NRXN3: variants seen among roughly 807,000 people sequenced by gnomAD.
NRXN3 encodes the protein neurexin 3.
A neutral mutation model predicts 137.6 loss-of-function variants in NRXN3; 32 were observed. That is an observed-to-expected ratio of 0.23 (90% confidence interval 0.18 to 0.31). The LOEUF (loss-of-function observed/expected upper bound fraction) is 0.31. Ranked by LOEUF, NRXN3 falls within the 10% of genes least tolerant of loss-of-function variation. NRXN3 has a pLI of 1.00. For missense variants in NRXN3, 1,574 were observed against 2,062.5 expected (o/e 0.76, Z 4.59); for synonymous variants, 798 against 784.5 (o/e 1.02, Z -0.29).
intron 16 of NRXN3, among the ~76,000 whole-genome samples, chr14:79,543,293 A>G (rs904837835): frequency 3.3e-5 from 5 of 152,216 alleles, no homozygotes; most frequent in African/African-American, 1.2e-4. Context: ...CTTTCATGAC[A>G]TATTCCAGCA....
intron 4 of NRXN3, among the ~76,000 whole-genome samples, chr14:78,452,634 A>G (rs921421021): frequency 6.6e-6 from 1 of 152,254 alleles, no homozygotes; most frequent in Non-Finnish European, 1.5e-5. Context: ...AGATGAGAAC[A>G]ATTGAAAAGG....
chr14:79,524,582 C>T (rs577224673), intron 16 of NRXN3, among the ~76,000 whole-genome samples: 1 of 151,948 alleles, frequency 6.6e-6, no homozygotes, highest in South Asian at 2.1e-4. Flanking sequence ...AAATGGATTC[C>T]ACTGCAAACA....
intron 4 of NRXN3, among the ~76,000 whole-genome samples, chr14:78,564,183 T>C (rs2096815032): frequency 6.6e-6 from 1 of 152,184 alleles, no homozygotes; most frequent in South Asian, 2.1e-4. Flanking sequence ...AGCACAATAA[T>C]AATGGAGAGA....
In NRXN3 at chr14:79,041,440, G is replaced by A. The variant is rs537299572; in HGVS notation, c.3262+53299G>A. On this transcript the variant is annotated intron_variant, in intron 15 of 20. Coordinates refer to ENST00000335750, the MANE Select transcript of NRXN3 (RefSeq NM_001330195.2). ...GGATAACCACATCCGCAGAAAGTGC[G>A]CTGCACTATGAGTAAATGTAATTTT... is the stretch of plus-strand genomic sequence containing the variant. Among the ~76,000 whole-genome samples, 8 of 152,292 alleles carry A rather than the reference G, an allele frequency of 5.3e-5. No individual in the cohort carries two copies. The East Asian group carries it at 5.8e-4, about 11-fold the overall frequency.
chr14:79,786,875 C>A (rs916434532), intron 19 of NRXN3, among the ~76,000 whole-genome samples: 1 of 152,178 alleles, frequency 6.6e-6, no homozygotes, highest in South Asian at 2.1e-4. Context: ...AGTGATTACA[C>A]TACTCTTACT....
chr14:78,188,637 G>A (rs1053136234), intron 1 of NRXN3, among the ~76,000 whole-genome samples: 10 of 152,164 alleles, frequency 6.6e-5, no homozygotes, highest in Admixed American at 2.0e-4. Context: ...TGGCAGTGTG[G>A]TTATTATAAT....
intron 19 of NRXN3, among the ~76,000 whole-genome samples, chr14:79,756,554 G>T (rs980227297): frequency 2.0e-5 from 3 of 152,136 alleles, no homozygotes; most frequent in African/African-American, 7.2e-5. Flanking sequence ...ACATCAGCAT[G>T]TACCAATTCC....
In NRXN3 at chr14:79,143,867, C is replaced by T. The variant is rs559690889; in HGVS notation, c.3262+155726C>T. 4.6e-5 allele frequency among the ~76,000 whole-genome samples: 7 copies of T among 152,314 alleles called. No individual in the cohort carries two copies. In the South Asian group the frequency reaches 1.2e-3, roughly 27 times the overall value. On this transcript the variant is annotated intron_variant, in intron 15 of 20. Transcript: ENST00000335750. Reference sequence around the variant, plus strand: ...AGTTGTGTGTTTCTACTGAAGTACCCTCCAGACAGGGAGTAAGCAGATTTT... The same window carrying T: ...AGTTGTGTGTTTCTACTGAAGTACCTTCCAGACAGGGAGTAAGCAGATTTT...
At chr14:79,217,830 G>T (rs973883500) in intron 15 of NRXN3, among the ~76,000 whole-genome samples, 2 of 152,144 alleles carry the variant, frequency 1.3e-5, no homozygotes, top group Non-Finnish European at 1.5e-5. Flanking sequence ...GAGAACCATT[G>T]CTTTAAACAG....
intron 10 of NRXN3, among the ~76,000 whole-genome samples, chr14:78,857,577 A>G (rs993217931): frequency 2.6e-5 from 4 of 152,190 alleles, no homozygotes. Flanking sequence ...ATAAATATGC[A>G]TCTACTATGT....
intron 15 of NRXN3, among the ~76,000 whole-genome samples, chr14:79,341,788 A>C (rs1280345921): frequency 2.0e-5 from 3 of 152,234 alleles, no homozygotes. Flanking sequence ...TGCCTCAAAA[A>C]AAAGGAAGTC....
chr14:79,372,594 C>T (rs1012580326), intron 15 of NRXN3, among the ~76,000 whole-genome samples: 3 of 152,056 alleles, frequency 2.0e-5, no homozygotes, highest in African/African-American at 4.8e-5. Flanking sequence ...ATCAGAGATA[C>T]CCCTCTCTTG....
intron 1 of NRXN3, among the ~76,000 whole-genome samples, chr14:78,240,111 G>A (rs2066890363): frequency 6.6e-6 from 1 of 152,152 alleles, no homozygotes; most frequent in African/African-American, 2.4e-5. Flanking sequence ...CCAAAGTCAT[G>A]CCAACCAGTC....
At chr14:79,565,999 ATTT>A (rs910286842) in intron 16 of NRXN3, among the ~76,000 whole-genome samples, 180 of 152,190 alleles carry the variant, frequency 1.2e-3, no homozygotes, top group African/African-American at 4.2e-3. Context: ...AGCATGGATT[ATTT>A]TCCCCCACTT....
At chr14:78,593,379 G>A (rs781494696) in intron 4 of NRXN3, among the ~76,000 whole-genome samples, 5 of 152,166 alleles carry the variant, frequency 3.3e-5, no homozygotes, top group African/African-American at 9.7e-5. Flanking sequence ...GAGAGGCCAG[G>A]GAACCACCTG....
At chr14:79,671,145 G>A (rs765428) in intron 17 of NRXN3, among the ~76,000 whole-genome samples, 40,473 of 152,018 alleles carry the variant, frequency 0.27, 6,558 homozygotes, top group African/African-American at 0.45. Context: ...CCACCCATTA[G>A]GACAGCGTTG....
chr14:79,329,110 C>T (rs897726396), intron 15 of NRXN3, among the ~76,000 whole-genome samples: 1 of 152,124 alleles, frequency 6.6e-6, no homozygotes, highest in Non-Finnish European at 1.5e-5. Context: ...CAATGGAAAA[C>T]ATGTTCTTTA....
At chr14:78,648,754 A>G (rs1485185008) in intron 5 of NRXN3, among the ~76,000 whole-genome samples, 1 of 152,198 alleles carries the variant, frequency 6.6e-6, no homozygotes, top group Non-Finnish European at 1.5e-5. Flanking sequence ...TCATAGTCAG[A>G]TGTGAAAAAA....
At chr14:79,118,910 G>A (rs559413441) in intron 15 of NRXN3, among the ~76,000 whole-genome samples, 7 of 152,250 alleles carry the variant, frequency 4.6e-5, no homozygotes, top group Admixed American at 2.0e-4. Flanking sequence ...AGAGAGACAC[G>A]ACAAAATTGA....
Sources: gnomAD v4.1 joint callset for allele counts (sites outside exome capture counted in the v4.1 genomes callset) on GRCh38, gnomAD v4.1.1 for gene constraint, MANE v1.5 for transcripts, NCBI Gene and HGNC (gene_info 2026-07-23, HGNC 2026-07-21) for gene names.